The following CSMD1 variants were observed in gnomAD, a reference collection of about 807,000 sequenced individuals.
CSMD1 encodes CUB and sushi domain-containing protein 1.
In CSMD1, 213 loss-of-function variants were observed where a neutral mutation model predicts 417.5. That is an observed-to-expected ratio of 0.51 (90% CI 0.46 to 0.57). CSMD1 has a LOEUF of 0.57. Among genes scored for constraint, CSMD1 ranks in the 20% least tolerant of loss-of-function variants. The pLI is 0.00. For synonymous variants in CSMD1, 2,862 were observed against 1,736.8 expected (o/e 1.65, Z -16.11); for missense variants, 6,923 against 4,529.7 (o/e 1.53, Z -15.17).
intron 12 of CSMD1, among the ~76,000 whole-genome samples, chr8:3,458,085 G>A (rs1816271191): frequency 6.6e-6 from 1 of 152,188 alleles, no homozygotes; most frequent in South Asian, 2.1e-4. Flanking sequence ...CAGGAAGTTT[G>A]CTCTAACGTG....
chr8:4,202,160 G>A (rs767675313), intron 3 of CSMD1, among the ~76,000 whole-genome samples: 5 of 152,034 alleles, frequency 3.3e-5, no homozygotes, highest in Non-Finnish European at 7.4e-5. Flanking sequence ...GGACGGGTGG[G>A]ATGACCAGCT....
chr8:4,270,975 C>G (rs1804552581), intron 3 of CSMD1, among the ~76,000 whole-genome samples: 1 of 152,204 alleles, frequency 6.6e-6, no homozygotes, highest in Non-Finnish European at 1.5e-5. Context: ...ACCGCGTTCA[C>G]TCTTTACTGA....
intron 7 of CSMD1, among the ~76,000 whole-genome samples, chr8:3,685,938 G>A (rs563115565): frequency 6.6e-6 from 1 of 152,024 alleles, no homozygotes; most frequent in Admixed American, 6.5e-5. Context: ...ATTTTTAAAA[G>A]TACAATTATT....
chr8:3,923,335 T>G (rs1443254325), intron 5 of CSMD1, among the ~76,000 whole-genome samples: 1 of 152,178 alleles, frequency 6.6e-6, no homozygotes, highest in Admixed American at 6.5e-5. Context: ...TACACATACA[T>G]CCACATACGT....
chr8:4,826,978 G>A (rs1006466121), intron 1 of CSMD1, among the ~76,000 whole-genome samples: 2 of 151,996 alleles, frequency 1.3e-5, no homozygotes, highest in African/African-American at 4.8e-5. Flanking sequence ...CGTTGAATAC[G>A]ACGGTAAGAA....
At chr8:3,902,944 TC>T (rs1362100772) in intron 5 of CSMD1, among the ~76,000 whole-genome samples, 2 of 152,162 alleles carry the variant, frequency 1.3e-5, no homozygotes, top group Non-Finnish European at 2.9e-5. Context: ...CAGCTCTACC[TC>T]CCTGAACTCA....
Position 2,998,068 on chromosome 8 carries a change from A to T in CSMD1, c.8320T>A (p.Ser2774Thr). The T allele has an allele frequency of 6.2e-7, 1 of 1,613,972 alleles. No individual in the cohort carries two copies. Among genetic ancestry groups the T allele is most frequent in the South Asian group, 1.1e-5 (1 of 91,080 alleles). ...CNTGYLLQGV[S>T]RAQCRSNGQW... ...CCGTTGCTCCGACACTGGGCTCGAGACACGCCCTGCAGCAAATAGCCCGTG... is the reference window on the plus strand; with the variant it reads ...CCGTTGCTCCGACACTGGGCTCGAGTCACGCCCTGCAGCAAATAGCCCGTG... Residue 2774 changes from serine (S) to threonine (T), a missense_variant, in exon 54 of 70, where the codon TCT becomes ACT. Physicochemically the swap from Ser to Thr is moderately conservative, Grantham distance 58. Coordinates refer to ENST00000635120, the MANE Select transcript of CSMD1 (RefSeq NM_033225.6).
At chr8:4,888,293 C>G (rs1334351494) in intron 1 of CSMD1, among the ~76,000 whole-genome samples, 2 of 152,070 alleles carry the variant, frequency 1.3e-5, no homozygotes, top group South Asian at 2.1e-4. Flanking sequence ...TACACACCCT[C>G]TCCTCACATC....
intron 25 of CSMD1, among the ~76,000 whole-genome samples, chr8:3,294,133 G>A (rs752049791): frequency 1.3e-4 from 20 of 152,206 alleles, no homozygotes; most frequent in Admixed American, 2.0e-4. Flanking sequence ...AGAGACTGCA[G>A]AACAGCAGAT....
intron 2 of CSMD1, among the ~76,000 whole-genome samples, chr8:4,546,719 T>C (rs1797655230): frequency 6.6e-6 from 1 of 152,152 alleles, no homozygotes; most frequent in African/African-American, 2.4e-5. Context: ...TTCATAATCA[T>C]AGCTAAGTCA....
At chr8:3,507,001 T>G (rs1016946314) in intron 10 of CSMD1, among the ~76,000 whole-genome samples, 2 of 152,214 alleles carry the variant, frequency 1.3e-5, no homozygotes, top group Non-Finnish European at 2.9e-5. Context: ...TAATATACAT[T>G]TTCATACAAG....
At chr8:3,779,134 A>C (rs1022435402) in intron 5 of CSMD1, among the ~76,000 whole-genome samples, 14 of 147,914 alleles carry the variant, frequency 9.5e-5, no homozygotes, top group African/African-American at 2.8e-4. Flanking sequence ...AAATATTTTC[A>C]CTATGCGTGC....
intron 5 of CSMD1, among the ~76,000 whole-genome samples, chr8:3,928,374 TA>T (rs77424965): frequency 0.24 from 36,615 of 152,110 alleles, 4,747 homozygotes; most frequent in Non-Finnish European, 0.29. Flanking sequence ...TTAAAGTGCA[TA>T]AAAAAATGTG....
chr8:3,136,103 T>C (rs1007066446), intron 41 of CSMD1, among the ~76,000 whole-genome samples: 1 of 152,062 alleles, frequency 6.6e-6, no homozygotes, highest in Non-Finnish European at 1.5e-5. Context: ...TGTCCCCCCC[T>C]CATGCATTAC....
intron 23 of CSMD1, among the ~76,000 whole-genome samples, chr8:3,331,162 C>A (rs994623846): frequency 3.4e-5 from 5 of 149,080 alleles, no homozygotes; most frequent in African/African-American, 1.2e-4. Context: ...GGTGTGAACC[C>A]GGGAGGTGGA....
intron 2 of CSMD1, among the ~76,000 whole-genome samples, chr8:4,544,077 C>T (rs545565457): frequency 6.6e-6 from 1 of 152,238 alleles, no homozygotes; most frequent in Non-Finnish European, 1.5e-5. Flanking sequence ...CTGTGGCTTG[C>T]CTTTTATTCT....
intron 3 of CSMD1, among the ~76,000 whole-genome samples, chr8:4,404,746 G>A (rs1357017321): frequency 6.6e-6 from 1 of 151,452 alleles, no homozygotes; most frequent in African/African-American, 2.4e-5. Context: ...AATTTATTTG[G>A]ATGGCACATA....
At chr8:4,141,884 G>A (rs976099358) in intron 3 of CSMD1, among the ~76,000 whole-genome samples, 2 of 150,914 alleles carry the variant, frequency 1.3e-5, no homozygotes, top group East Asian at 3.9e-4. Context: ...AATCCTACAA[G>A]GAGGAAAGAA....
intron 20 of CSMD1, among the ~76,000 whole-genome samples, chr8:3,362,439 T>C (rs1053757646): frequency 6.6e-6 from 1 of 152,188 alleles, no homozygotes; most frequent in Admixed American, 6.5e-5. Context: ...TACAGTTGAA[T>C]GCTCTCTTTT....
Sources: gnomAD v4.1 joint callset for allele counts (sites outside exome capture counted in the v4.1 genomes callset) on GRCh38, gnomAD v4.1.1 for gene constraint, MANE v1.5 for transcripts, NCBI Gene and HGNC (gene_info 2026-07-23, HGNC 2026-07-21) for gene names.